CCDC180: variants seen among roughly 807,000 people sequenced by gnomAD.
CCDC180 encodes coiled-coil domain-containing protein 180.
A neutral mutation model predicts 209.2 loss-of-function variants in CCDC180; 154 were observed. The observed-to-expected ratio is 0.74, with a 90% CI of 0.65 to 0.84. CCDC180 has a LOEUF of 0.84. Ranked by LOEUF, CCDC180 falls within the 40% of genes least tolerant of loss-of-function variation. CCDC180 has a pLI of 0.00. For synonymous variants in CCDC180, 778 were observed against 749.1 expected (o/e 1.04, Z -0.63); for missense variants, 1,874 against 1,997.3 (o/e 0.94, Z 1.18).
rs138507754 is a variant in CCDC180, at chr9:97,362,737, C to A, written c.3902+296C>A. 2.8e-4 allele frequency among the ~76,000 whole-genome samples: 43 copies of A among 152,290 alleles called. No individual in the cohort carries two copies. In the East Asian group the frequency reaches 8.3e-3, roughly 29 times the overall value. On this transcript the variant is annotated intron_variant, in intron 28 of 36. Transcript: ENST00000529487. ...ACAGAAAGAGTTCTGGGCCTTGGCG[C>A]CCTGCCCACCAAGCCTCAGTGGGGT...
At position 97,354,961 on chromosome 9, in the gene CCDC180, A is replaced by C; in HGVS notation, c.3217A>C (p.Lys1073Gln). 6.2e-7 allele frequency: 1 copy of C among 1,614,176 alleles called. No homozygotes were observed. Among genetic ancestry groups the C allele is most frequent in the Non-Finnish European group, 8.5e-7 (1 of 1,179,998 alleles). Residue 1073 changes from lysine to glutamine, a missense_variant, in exon 24 of 37, where the codon AAA becomes CAA. Physicochemically the swap from Lys to Gln is moderately conservative, Grantham distance 53. Coordinates refer to ENST00000529487, the MANE Select transcript of CCDC180 (RefSeq NM_020893.6). ...NLSVDLIFIEKIQRLLTNLQV... is the reference protein window; with the variant it reads ...NLSVDLIFIEQIQRLLTNLQV... ...GTCTGTGGACCTTATTTTCATAGAG[A>C]AAATCCAGCGGTTGCTGACGAATCT...
intron 15 of CCDC180, among the ~76,000 whole-genome samples, 199 bp from the exon 16 acceptor site, chr9:97,327,821 G>A (rs1204948527): frequency 6.6e-6 from 1 of 152,158 alleles, no homozygotes; most frequent in African/African-American, 2.4e-5. Flanking sequence ...AGTCTCTTGT[G>A]TGTGTTTTCC....
chr9:97,324,147 C>A (rs1023319995), intron 13 of CCDC180, among the ~76,000 whole-genome samples: 1 of 152,178 alleles, frequency 6.6e-6, no homozygotes, highest in Non-Finnish European at 1.5e-5. Flanking sequence ...CACTCCCTGG[C>A]CATTGTTGAC....
At chr9:97,339,609 C>G (rs923438177) in intron 18 of CCDC180, among the ~76,000 whole-genome samples, 2 of 152,140 alleles carry the variant, frequency 1.3e-5, no homozygotes, top group Non-Finnish European at 2.9e-5. Context: ...TTCATTTCAA[C>G]CTTGGTGCAT....
At chr9:97,346,970 G>A (rs1264139008) in intron 19 of CCDC180, among the ~76,000 whole-genome samples, 1 of 152,210 alleles carries the variant, frequency 6.6e-6, no homozygotes, top group East Asian at 1.9e-4. Context: ...CTCTGAGACT[G>A]TGGAGAAATA....
intron 27 of CCDC180, 54 bp from the exon 28 acceptor site, chr9:97,362,142 G>C: frequency 6.3e-7 from 1 of 1,574,882 alleles, no homozygotes; most frequent in Non-Finnish European, 8.6e-7. Context: ...AGCCTGGCCT[G>C]AGCTACCCCC....
intron 35 of CCDC180, 47 bp downstream of exon 35, chr9:97,374,695 T>C: frequency 1.4e-6 from 2 of 1,475,318 alleles, no homozygotes; most frequent in Non-Finnish European, 1.9e-6. Flanking sequence ...CTGTATCTGC[T>C]GGGGGTGGTG....
In CCDC180 at chr9:97,311,271, G is replaced by A. The variant is rs138989523; in HGVS notation, c.261-842G>A. On this transcript the variant is annotated intron_variant, in intron 3 of 36. Transcript: ENST00000529487. ...GCTCCTACAGGGCTGCCTTGGTCCA[G>A]GGGCATTTAGAATGACAAGGTCTGA... Among the ~76,000 whole-genome samples, 445 of 152,316 alleles carry A rather than the reference G, an allele frequency of 2.9e-3. 2 individuals are homozygous for A. The highest frequency in any genetic ancestry group is 6.8e-3 in the Middle Eastern group (2 of 294).
chr9:97,341,619 T>G (rs1408159474), intron 18 of CCDC180, among the ~76,000 whole-genome samples: 2 of 152,080 alleles, frequency 1.3e-5, no homozygotes, highest in African/African-American at 4.8e-5. Context: ...GTCTCCAAAT[T>G]AGGCTACACG....
chr9:97,356,581 G>A (rs954347034), intron 24 of CCDC180, among the ~76,000 whole-genome samples: 1 of 152,204 alleles, frequency 6.6e-6, no homozygotes, highest in African/African-American at 2.4e-5. Flanking sequence ...ATTCCAGAAG[G>A]AGCAGGAGGC....
In CCDC180 at chr9:97,366,205, G is replaced by A. The variant is rs538354999; in HGVS notation, c.4048-354G>A. 7.9e-5 allele frequency among the ~76,000 whole-genome samples: 12 copies of A among 152,210 alleles called. No homozygotes were observed. The South Asian group carries it at 8.3e-4, about 10-fold the overall frequency. Reference sequence around the variant, plus strand: ...TCCTTCAGGGCAGGGTCCCTGGCTCGCCCGTCTTTGTGGCCTGCAGCCTAT... The same window carrying A: ...TCCTTCAGGGCAGGGTCCCTGGCTCACCCGTCTTTGTGGCCTGCAGCCTAT... On this transcript the variant is annotated intron_variant, in intron 30 of 36. Transcript: ENST00000529487. This position sits in a 1 kb window ranked among gnomAD's most constrained non-coding sequence, Gnocchi z 4.3.
At chr9:97,345,241 T>C (rs1317172773) in intron 19 of CCDC180, among the ~76,000 whole-genome samples, 3 of 152,122 alleles carry the variant, frequency 2.0e-5, no homozygotes, top group African/African-American at 7.2e-5. Flanking sequence ...ACTCACAGAG[T>C]GTGTGTGTCC....
rs754568422 is a variant in CCDC180, at chr9:97,370,087, G to A, written c.4350+5G>A. ...AAGCGGCTGGAGAAAAGAAAGGTGA[G>A]GGCCCCAGGACCAGCCCTTCCACTC... On this transcript the variant is annotated splice_donor_5th_base_variant and intron_variant, in intron 32 of 36. Transcript: ENST00000529487. 1.9e-6 allele frequency: 3 copies of A among 1,613,292 alleles called. No individual in the cohort carries two copies. Among genetic ancestry groups the A allele is most frequent in the Non-Finnish European group, 8.5e-7 (1 of 1,179,746 alleles).
chr9:97,311,325 GC>G (rs1832980848), intron 3 of CCDC180, among the ~76,000 whole-genome samples: 1 of 152,192 alleles, frequency 6.6e-6, no homozygotes, highest in African/African-American at 2.4e-5. Context: ...ATTGGCCTGG[GC>G]CCCATCAGCT....
Position 97,314,300 on chromosome 9 carries a change from G to T in CCDC180, c.460-93G>T, listed in dbSNP as rs1397100327. 11 of 1,483,398 alleles carry T rather than the reference G, an allele frequency of 7.4e-6. 1 individual carries two copies. The highest frequency in any genetic ancestry group is 9.3e-6 in the Non-Finnish European group (10 of 1,073,374). 91.9% of individuals were successfully genotyped at this position (1,483,398 alleles called of 1,614,324 possible). On this transcript the variant is annotated intron_variant, in intron 5 of 36. Coordinates refer to ENST00000529487, the MANE Select transcript of CCDC180 (RefSeq NM_020893.6). ...GGCAATGATCATCATTTTTGAGATA[G>T]AACCATGCCTGGCACTTCCCCCATG...
chr9:97,347,425 G>A lies in CCDC180; in HGVS notation c.2610G>A (p.Leu870=). ...ATGAGCTGGATTCAGAACTGGAGCT[G>A]CATCTGCACCTGCACCAGCCAAGAG... ...KINELDSELE[L]HLHLHQPRAQ... Residue 870 remains leucine, a synonymous_variant, in exon 20 of 37, where the codon CTG becomes CTA. Transcript: ENST00000529487. 2 of 1,536,126 alleles carry A rather than the reference G, an allele frequency of 1.3e-6. No individual in the cohort carries two copies. The highest frequency in any genetic ancestry group is 1.4e-5 in the African/African-American group (1 of 73,158).
intron 10 of CCDC180, among the ~76,000 whole-genome samples, chr9:97,318,947 A>G (rs1317278483): frequency 6.6e-6 from 1 of 152,162 alleles, no homozygotes; most frequent in East Asian, 1.9e-4. Flanking sequence ...GTTTGGAGGT[A>G]TGTGTCAGAG....
intron 32 of CCDC180, 139 bp from the exon 33 acceptor site, chr9:97,370,502 C>G (rs1422428986): frequency 2.1e-6 from 2 of 960,220 alleles, no homozygotes; most frequent in African/African-American, 3.3e-5. Flanking sequence ...CCCTCTGCCA[C>G]TCTTCTGCCC....
At chr9:97,354,450 C>T (rs1826509451) in intron 22 of CCDC180, 119 bp from the exon 23 acceptor site, 1 of 982,324 alleles carries the variant, frequency 1.0e-6, no homozygotes, top group Non-Finnish European at 1.5e-6. Flanking sequence ...TTCATTTTCC[C>T]ACATCTTGAA....
Sources: allele counts gnomAD v4.1 joint callset (sites outside exome capture counted in the v4.1 genomes callset), GRCh38; gene constraint gnomAD v4.1.1; non-coding constraint Gnocchi (gnomAD v3.1); transcripts MANE v1.5; gene names NCBI Gene and HGNC (gene_info 2026-07-23, HGNC 2026-07-21).